ALG14: variants seen among roughly 807,000 people sequenced by gnomAD.
The protein encoded by ALG14 is UDP-N-acetylglucosamine transferase subunit ALG14.
ALG14 carries 17 observed loss-of-function variants against 22.8 expected under a neutral mutation model. That is an observed-to-expected ratio of 0.75 (90% CI 0.51 to 1.12). The LOEUF (loss-of-function observed/expected upper bound fraction) is 1.12, where lower values mean the gene tolerates loss of function less well. ALG14 is among the 50% of genes most tolerant of loss of function. The pLI is 0.00. For synonymous variants in ALG14, 89 were observed against 103.7 expected (o/e 0.86, Z 0.86); for missense variants, 288 against 271.8 (o/e 1.06, Z -0.42).
chr1:95,047,704 G>A (rs1674607994), intron 2 of ALG14, among the ~76,000 whole-genome samples: 3 of 152,152 alleles, frequency 2.0e-5, no homozygotes, highest in South Asian at 4.1e-4. Flanking sequence ...AACAGGCCAG[G>A]CATGGTGAGT....
chr1:95,017,113 G>A (rs539893146), intron 3 of ALG14, among the ~76,000 whole-genome samples: 63 of 152,156 alleles, frequency 4.1e-4, no homozygotes, highest in African/African-American at 1.5e-3. Context: ...CTGCAGAACT[G>A]GCTGATAAAA....
chr1:95,070,060 A>T (rs184832308), intron 1 of ALG14, among the ~76,000 whole-genome samples: 434 of 152,272 alleles, frequency 2.9e-3, no homozygotes, highest in African/African-American at 9.8e-3. Context: ...TAATTAAATT[A>T]AAAAAATTAT....
chr1:95,035,860 G>A (rs1674172333), intron 2 of ALG14: 1 of 152,150 alleles, frequency 6.6e-6, no homozygotes, highest in African/African-American at 2.4e-5. Context: ...ATTATTTAGT[G>A]AATGCCACAC....
chr1:95,001,014 A>G (rs1443159811), intron 3 of ALG14, among the ~76,000 whole-genome samples: 1 of 152,248 alleles, frequency 6.6e-6, no homozygotes, highest in Non-Finnish European at 1.5e-5. Context: ...GATTATCCAT[A>G]TTTTAAGGTG....
chr1:94,998,303 C>T (rs1309803120), intron 3 of ALG14, among the ~76,000 whole-genome samples: 1 of 152,154 alleles, frequency 6.6e-6, no homozygotes, highest in Non-Finnish European at 1.5e-5. Flanking sequence ...CCCACCTCCA[C>T]TGGCTGTCTA....
At chr1:95,071,542 A>C (rs1158579183) in intron 1 of ALG14, among the ~76,000 whole-genome samples, 1 of 152,108 alleles carries the variant, frequency 6.6e-6, no homozygotes, top group African/African-American at 2.4e-5. Context: ...GACTCTGTAT[A>C]AAAAAGAAAA....
intron 2 of ALG14, among the ~76,000 whole-genome samples, chr1:95,060,455 G>A (rs914810830): frequency 3.3e-5 from 5 of 152,038 alleles, no homozygotes; most frequent in Non-Finnish European, 5.9e-5. Flanking sequence ...AGTGGCTCAC[G>A]CCTGTAATCC....
intron 1 of ALG14, among the ~76,000 whole-genome samples, chr1:95,068,371 C>T (rs888557182): frequency 1.3e-5 from 2 of 152,184 alleles, no homozygotes; most frequent in African/African-American, 4.8e-5. Flanking sequence ...ACGGCAACCT[C>T]TGCCTCCTGG....
intron 3 of ALG14, among the ~76,000 whole-genome samples, chr1:95,016,762 C>A (rs1455451605): frequency 6.6e-6 from 1 of 152,130 alleles, no homozygotes; most frequent in Non-Finnish European, 1.5e-5. Flanking sequence ...CTACTGCCCA[C>A]TCAAATCCTC....
chr1:95,028,544 A>T (rs975594973), intron 2 of ALG14, among the ~76,000 whole-genome samples: 5 of 152,318 alleles, frequency 3.3e-5, no homozygotes, highest in African/African-American at 1.2e-4. Flanking sequence ...TGGGCTGGGC[A>T]CAGTGGCTCA....
chr1:95,007,335 C>A (rs1321009941), intron 3 of ALG14, among the ~76,000 whole-genome samples: 2 of 152,214 alleles, frequency 1.3e-5, no homozygotes, highest in African/African-American at 4.8e-5. Context: ...CATTTCCCGT[C>A]TGAAGACATT....
At chr1:95,055,939 G>A (rs2100822629) in intron 2 of ALG14, among the ~76,000 whole-genome samples, 1 of 150,486 alleles carries the variant, frequency 6.6e-6, no homozygotes, top group South Asian at 2.1e-4. Flanking sequence ...GAACCCAGGA[G>A]GCAGAGCTTG....
chr1:95,016,447 C>A (rs1673497128), intron 3 of ALG14, among the ~76,000 whole-genome samples: 1 of 151,960 alleles, frequency 6.6e-6, no homozygotes, highest in Non-Finnish European at 1.5e-5. Context: ...AGAGAATGAC[C>A]ATTGAATAAT....
intron 3 of ALG14, among the ~76,000 whole-genome samples, chr1:94,994,610 A>G (rs997012519): frequency 1.6e-4 from 24 of 152,176 alleles, no homozygotes; most frequent in African/African-American, 5.8e-4. Context: ...TAACTGGTCT[A>G]TGTGAGATCA....
rs575950134 is a variant in ALG14 at position 94,985,996 on chromosome 1, A to G, written c.421-2690T>C. On this transcript the variant is annotated intron_variant, in intron 3 of 3. Transcript: ENST00000370205. The stretch of plus-strand genomic sequence containing the variant: ...TTTTTGCAGCAGCCTAGGCAAAAAA[A>G]TAAAAGTGGATTATGGAGTCTTCAT... Among the ~76,000 whole-genome samples, 8 of 152,354 alleles carry G rather than the reference A, an allele frequency of 5.3e-5. No individual in the cohort carries two copies. In the South Asian group the frequency reaches 1.7e-3, roughly 32 times the overall value.
rs548558205 is a variant in ALG14, at chr1:95,003,394, G to A, written c.421-20088C>T. Among the ~76,000 whole-genome samples the A allele has an allele frequency of 1.1e-3, 174 of 151,784 alleles. 1 individual carries two copies. In the Middle Eastern group the frequency reaches 0.017, roughly 15 times the overall value. On this transcript the variant is annotated intron_variant, in intron 3 of 3. Transcript: ENST00000370205. Reference sequence around the variant, plus strand: ...GCACATAATATTCCACAGTGGTTGTGGACTTTAAAAGTTCAAGAGTTGTTA... The same window carrying A: ...GCACATAATATTCCACAGTGGTTGTAGACTTTAAAAGTTCAAGAGTTGTTA...
chr1:94,982,530 T>G lies in ALG14; in HGVS notation c.*546A>C, dbSNP rs1672519900. 1 of 153,208 alleles carries G rather than the reference T, an allele frequency of 6.5e-6. No homozygotes were observed. The highest frequency in any genetic ancestry group is 1.4e-5 in the Non-Finnish European group (1 of 68,996). The allele number at this position is 153,208 out of a possible 1,614,324, so 9.5% of individuals were successfully genotyped here. ...GTTTATGCTCAAGGTTCTGGAGGCT[T>G]GTGGAGTGCAAATTGTCATGAAGCC... On this transcript the variant is annotated 3_prime_UTR_variant, in exon 4 of 4. Coordinates refer to ENST00000370205, the MANE Select transcript of ALG14 (RefSeq NM_144988.4).
chr1:95,009,298 C>CA (rs1355215511), intron 3 of ALG14, among the ~76,000 whole-genome samples: 2 of 151,484 alleles, frequency 1.3e-5, no homozygotes, highest in African/African-American at 4.8e-5. Context: ...ACTTACAAGA[C>CA]AAAAATTTAT....
chr1:95,024,198 C>T (rs1372710719), intron 3 of ALG14, among the ~76,000 whole-genome samples: 3 of 152,114 alleles, frequency 2.0e-5, no homozygotes, highest in African/African-American at 4.8e-5. Context: ...AGGATGGTCT[C>T]GATCTCCTGA....
Sources: allele counts gnomAD v4.1 joint callset (sites outside exome capture counted in the v4.1 genomes callset), GRCh38; gene constraint gnomAD v4.1.1; transcripts MANE v1.5; gene names NCBI Gene and HGNC (gene_info 2026-07-23, HGNC 2026-07-21).